Variants in ATXN7L1 observed in about 807,000 individuals in gnomAD.
The protein encoded by ATXN7L1 is ataxin-7-like protein 1.
In ATXN7L1, 15 loss-of-function variants were observed where a neutral mutation model predicts 70.8. The ratio of observed to expected loss-of-function variants is 0.21; its 90% CI spans 0.14 to 0.33. The LOEUF (loss-of-function observed/expected upper bound fraction) is 0.33. Ranked by LOEUF, ATXN7L1 falls within the 10% of genes least tolerant of loss-of-function variation. The pLI, the probability that ATXN7L1 is intolerant of heterozygous loss-of-function variation, is 1.00. For synonymous variants in ATXN7L1, 440 were observed against 445.1 expected (o/e 0.99, Z 0.14); for missense variants, 975 against 1,097.1 (o/e 0.89, Z 1.57).
intron 2 of ATXN7L1, among the ~76,000 whole-genome samples, chr7:105,799,890 C>T (rs1698361679): frequency 1.3e-5 from 2 of 152,142 alleles, no homozygotes. Context: ...ATAAAGGGAA[C>T]CAGAACCACT....
Position 105,804,049 on chromosome 7 carries a change from G to A in ATXN7L1, c.251-15341C>T, listed in dbSNP as rs76538669. Among the ~76,000 whole-genome samples the A allele has an allele frequency of 9.7e-4, 148 of 152,280 alleles. 7 individuals are homozygous for A. In the East Asian group the frequency reaches 0.028, roughly 29 times the overall value. ...GGACTTCTACCAGCCTTGGCCAGAG[G>A]GAGAGAAATGGGCATCCCTTAGCCA... is the stretch of plus-strand genomic sequence containing the variant. On this transcript the variant is annotated intron_variant, in intron 2 of 11. Transcript: ENST00000419735.
intron 3 of ATXN7L1, among the ~76,000 whole-genome samples, chr7:105,730,480 C>G (rs970368400): frequency 6.6e-6 from 1 of 152,062 alleles, no homozygotes; most frequent in Admixed American, 6.6e-5. Flanking sequence ...CGCCTGTAAT[C>G]CCAGCACTTT....
chr7:105,759,496 C>A (rs1157966024), intron 3 of ATXN7L1, among the ~76,000 whole-genome samples: 1 of 106,678 alleles, frequency 9.4e-6, no homozygotes, highest in African/African-American at 3.4e-5. Flanking sequence ...GTGTGTATGT[C>A]AGAGTGACCT....
At chr7:105,681,005 TAGCGTAAG>T (rs937439884) in intron 3 of ATXN7L1, among the ~76,000 whole-genome samples, 1 of 152,002 alleles carries the variant, frequency 6.6e-6, no homozygotes, top group Non-Finnish European at 1.5e-5. Context: ...ACACCTGAGG[TAGCGTAAG>T]TTCTCAGCAA....
At chr7:105,675,098 G>A (rs1804423870) in intron 3 of ATXN7L1, among the ~76,000 whole-genome samples, 1 of 151,358 alleles carries the variant, frequency 6.6e-6, no homozygotes, top group Non-Finnish European at 1.5e-5. Context: ...AGGCCTCCAG[G>A]AAATATCCCA....
Position 105,729,503 on chromosome 7 carries a change from C to T in ATXN7L1, c.355+59101G>A, listed in dbSNP as rs540491896. Among the ~76,000 whole-genome samples, 10 of 150,614 alleles carry T rather than the reference C, an allele frequency of 6.6e-5. No individual in the cohort carries two copies. In the South Asian group the frequency reaches 1.5e-3, roughly 22 times the overall value. ...GGAATGCAGTGGTGCAATCTCAGCT[C>T]GCCACAATCTCTGCCTCCTGGGTTC... On this transcript the variant is annotated intron_variant, in intron 3 of 11. Transcript: ENST00000419735.
At chr7:105,790,598 GA>G (rs1023220997) in intron 2 of ATXN7L1, among the ~76,000 whole-genome samples, 145 of 144,166 alleles carry the variant, frequency 1.0e-3, no homozygotes, top group Admixed American at 5.3e-3. Context: ...AAAAGAAAAA[GA>G]AAAAAATTAT....
At chr7:105,734,184 G>GC (rs75716651) in intron 3 of ATXN7L1, among the ~76,000 whole-genome samples, 12,779 of 152,252 alleles carry the variant, frequency 0.084, 565 homozygotes, top group South Asian at 0.16. Flanking sequence ...CCTCTGGTCA[G>GC]CCCACCTTAC....
Position 105,705,948 on chromosome 7 carries a change from G to C in ATXN7L1, c.356-40660C>G, listed in dbSNP as rs190688926. ...TTTGCCACCCTTCTTCGCATATAAA[G>C]AGCCCAAGTCAGGAACTTTTTCTTA... is the stretch of plus-strand genomic sequence containing the variant. On this transcript the variant is annotated intron_variant, in intron 3 of 11. Transcript: ENST00000419735. Among the ~76,000 whole-genome samples, 207 of 152,270 alleles carry C rather than the reference G, an allele frequency of 1.4e-3. 1 individual carries two copies. The highest frequency in any genetic ancestry group is 4.7e-3 in the African/African-American group (197 of 41,546).
chr7:105,688,541 T>C (rs1790283852), intron 3 of ATXN7L1, among the ~76,000 whole-genome samples: 1 of 149,238 alleles, frequency 6.7e-6, no homozygotes, highest in Non-Finnish European at 1.5e-5. Flanking sequence ...CAAGACCCTG[T>C]GTCAATTAAA....
chr7:105,688,634 C>T (rs1465673162), intron 3 of ATXN7L1, among the ~76,000 whole-genome samples: 2 of 152,168 alleles, frequency 1.3e-5, no homozygotes, highest in Non-Finnish European at 2.9e-5. Context: ...CTGGCGTAAG[C>T]GCCAATGAAG....
intron 2 of ATXN7L1, among the ~76,000 whole-genome samples, chr7:105,790,650 C>G (rs956194147): frequency 1.3e-5 from 2 of 149,504 alleles, no homozygotes; most frequent in Non-Finnish European, 3.0e-5. Flanking sequence ...ATCTATCTAT[C>G]TATCATCTAT....
intron 2 of ATXN7L1, among the ~76,000 whole-genome samples, chr7:105,840,714 A>G (rs1418632417): frequency 6.6e-6 from 1 of 152,212 alleles, no homozygotes; most frequent in African/African-American, 2.4e-5. Context: ...CCAAGAAAGA[A>G]ATGGGGTATA....
chr7:105,860,136 T>TATATATATATAA (rs1816372212), intron 2 of ATXN7L1, among the ~76,000 whole-genome samples: 1 of 84,434 alleles, frequency 1.2e-5, no homozygotes, highest in Non-Finnish European at 2.5e-5. Context: ...TAAATATATA[T>TATATATATATAA]ATATATATAT....
intron 4 of ATXN7L1, among the ~76,000 whole-genome samples, chr7:105,646,110 G>A (rs940248226): frequency 2.7e-5 from 4 of 150,346 alleles, no homozygotes; most frequent in African/African-American, 9.8e-5. Context: ...CTAGGAGTTT[G>A]AGACCAGCCC....
chr7:105,778,818 T>G (rs1803138325), intron 3 of ATXN7L1, among the ~76,000 whole-genome samples: 1 of 152,242 alleles, frequency 6.6e-6, no homozygotes, highest in African/African-American at 2.4e-5. Flanking sequence ...CTTTTTGCTT[T>G]CATGTATTTA....
At chr7:105,853,248 A>C (rs1027674787) in intron 2 of ATXN7L1, among the ~76,000 whole-genome samples, 4 of 152,222 alleles carry the variant, frequency 2.6e-5, no homozygotes, top group Non-Finnish European at 5.9e-5. Context: ...TATTTTTAAA[A>C]GTTTAAAAAT....
intron 7 of ATXN7L1, among the ~76,000 whole-genome samples, chr7:105,634,231 G>T (rs925057061): frequency 2.0e-5 from 3 of 152,112 alleles, no homozygotes; most frequent in African/African-American, 7.2e-5. Context: ...TACATCACCC[G>T]TCCCCTGTCT....
intron 3 of ATXN7L1, among the ~76,000 whole-genome samples, chr7:105,757,946 GT>G (rs1254539792): frequency 6.6e-6 from 1 of 152,072 alleles, no homozygotes; most frequent in East Asian, 1.9e-4. Flanking sequence ...CTGGTACACA[GT>G]TGCTCTGTTT....
Sources: gnomAD v4.1 joint callset for allele counts (sites outside exome capture counted in the v4.1 genomes callset) on GRCh38, gnomAD v4.1.1 for gene constraint, MANE v1.5 for transcripts, NCBI Gene and HGNC (gene_info 2026-07-23, HGNC 2026-07-21) for gene names.